PCDH9: variants seen among roughly 807,000 people sequenced by gnomAD.
PCDH9 encodes protocadherin 9, also known as protocadherin-9.
PCDH9 carries 24 observed loss-of-function variants against 70.6 expected under a neutral mutation model. That is an observed-to-expected ratio of 0.34 (90% confidence interval 0.25 to 0.48). The LOEUF is 0.48. Among genes scored for constraint, PCDH9 ranks in the 20% least tolerant of loss-of-function variants. The pLI, the probability that PCDH9 is intolerant of heterozygous loss-of-function variation, is 0.99. For missense variants in PCDH9, 1,281 were observed against 1,503.6 expected (o/e 0.85, Z 2.45); for synonymous variants, 562 against 558.5 (o/e 1.01, Z -0.09).
chr13:66,554,888 G>A (rs953485791), intron 4 of PCDH9, among the ~76,000 whole-genome samples: 3 of 152,056 alleles, frequency 2.0e-5, no homozygotes, highest in Non-Finnish European at 4.4e-5. Context: ...TGCTTCTTGC[G>A]GCCGGGCATG....
Position 67,160,434 on chromosome 13 carries a change from C to T in PCDH9, c.3036+64971G>A, listed in dbSNP as rs188291349. On this transcript the variant is annotated intron_variant, in intron 2 of 4. Coordinates refer to ENST00000377865, the MANE Select transcript of PCDH9 (RefSeq NM_203487.3). ...TGGTGGCGGGCGCCTGTAGTCCCAG[C>T]TATTCGGGAGACTGAGGCAGGAGAG... is the stretch of plus-strand genomic sequence containing the variant. Among the ~76,000 whole-genome samples, 175 of 152,118 alleles carry T rather than the reference C, an allele frequency of 1.2e-3. 1 individual carries two copies. The highest frequency in any genetic ancestry group is 4.0e-3 in the African/African-American group (168 of 41,514).
At chr13:66,635,264 C>A (rs2077622771) in intron 3 of PCDH9, among the ~76,000 whole-genome samples, 1 of 152,118 alleles carries the variant, frequency 6.6e-6, no homozygotes, top group Admixed American at 6.6e-5. Context: ...TTGCCTCTGT[C>A]CAGTTAATTG....
Position 66,903,561 on chromosome 13 carries a change from C to G in PCDH9, c.3081G>C (p.Gln1027His), listed in dbSNP as rs1475845515. 6.3e-7 allele frequency: 1 copy of G among 1,584,000 alleles called. No homozygotes were observed. The highest frequency in any genetic ancestry group is 8.7e-7 in the Non-Finnish European group (1 of 1,154,018). The change falls in exon 3 of 5, where the codon CAG becomes CAC. Residue 1027 changes from glutamine to histidine, a missense_variant. Coordinates refer to ENST00000377865, the MANE Select transcript of PCDH9 (RefSeq NM_203487.3). ...GGAAACCCGTGGAGCTGGGACATTT[C>G]TGAGGAGTGACAGGAATATTGTCAC... ...SKSDNIPVTPQKCPSSTGFHI... is the reference protein window; with the variant it reads ...SKSDNIPVTPHKCPSSTGFHI...
At chr13:66,942,486 A>G (rs2083022046) in intron 2 of PCDH9, among the ~76,000 whole-genome samples, 1 of 152,010 alleles carries the variant, frequency 6.6e-6, no homozygotes, top group Admixed American at 6.6e-5. Context: ...CAAATAAGTG[A>G]CATTGCTACA....
intron 3 of PCDH9, among the ~76,000 whole-genome samples, chr13:66,822,209 A>G (rs981688326): frequency 6.6e-5 from 10 of 152,072 alleles, no homozygotes; most frequent in Admixed American, 4.6e-4. Context: ...ATACATTCAT[A>G]TAAGATTTAA....
At position 66,556,264 on chromosome 13, in the gene PCDH9, C is replaced by T. The variant is rs953722543; in HGVS notation, c.3340+74946G>A. The stretch of plus-strand genomic sequence containing the variant: ...TATATAAGCTAAATATATGTATATA[C>T]ATTTAGCTTATTTTAAAAATCTGTT... On this transcript the variant is annotated intron_variant, in intron 4 of 4. Transcript: ENST00000377865. Among the ~76,000 whole-genome samples the T allele has an allele frequency of 6.6e-5, 10 of 151,856 alleles. 1 individual carries two copies. Among genetic ancestry groups the T allele is most frequent in the Middle Eastern group, 6.3e-3 (2 of 316 alleles).
At chr13:66,451,717 T>C (rs914655604) in intron 4 of PCDH9, among the ~76,000 whole-genome samples, 3 of 152,174 alleles carry the variant, frequency 2.0e-5, no homozygotes, top group African/African-American at 7.2e-5. Flanking sequence ...AAAAATCAAG[T>C]GTTTTGCTAT....
chr13:66,729,051 T>TA (rs1277049242), intron 3 of PCDH9, among the ~76,000 whole-genome samples: 12 of 152,228 alleles, frequency 7.9e-5, no homozygotes, highest in Admixed American at 6.5e-4. Context: ...TCTGAGCTCT[T>TA]AGTCTATAAA....
At chr13:66,528,195 G>A (rs946383103) in intron 4 of PCDH9, among the ~76,000 whole-genome samples, 2 of 152,274 alleles carry the variant, frequency 1.3e-5, no homozygotes, top group East Asian at 1.9e-4. Flanking sequence ...AAGTGAAAGT[G>A]TGGTCCCTTT....
chr13:66,905,347 C>T (rs185438898), intron 2 of PCDH9, among the ~76,000 whole-genome samples: 1 of 152,238 alleles, frequency 6.6e-6, no homozygotes, highest in East Asian at 1.9e-4. Flanking sequence ...TCCTAAGAAA[C>T]ATTTCCTAAA....
chr13:67,181,711 G>A (rs1190273750), intron 2 of PCDH9, among the ~76,000 whole-genome samples: 1 of 151,916 alleles, frequency 6.6e-6, no homozygotes, highest in Non-Finnish European at 1.5e-5. Flanking sequence ...TAATAGAGCT[G>A]TTTATTTAAA....
At chr13:66,541,472 A>T (rs1198653711) in intron 4 of PCDH9, among the ~76,000 whole-genome samples, 1 of 152,200 alleles carries the variant, frequency 6.6e-6, no homozygotes, top group Non-Finnish European at 1.5e-5. Context: ...CTCTGAAGGC[A>T]CTAGGAAAAA....
intron 4 of PCDH9, among the ~76,000 whole-genome samples, chr13:66,364,545 A>T (rs939397168): frequency 1.3e-5 from 2 of 152,284 alleles, no homozygotes; most frequent in East Asian, 3.9e-4. Flanking sequence ...TTTTTGTGGA[A>T]GTAATACACT....
chr13:66,554,936 G>A (rs1593667432), intron 4 of PCDH9, among the ~76,000 whole-genome samples: 1 of 152,052 alleles, frequency 6.6e-6, no homozygotes, highest in East Asian at 1.9e-4. Flanking sequence ...TTGGGAGGCC[G>A]AGGCAGGCAG....
chr13:66,708,403 G>GTTTTTTTTTTTTTTTT (rs36087870), intron 3 of PCDH9, among the ~76,000 whole-genome samples: 1 of 136,988 alleles, frequency 7.3e-6, no homozygotes, highest in Non-Finnish European at 1.5e-5. Flanking sequence ...TTGAGATTTA[G>GTTTTTTTTTTTTTTTT]TTTTTTTTTT....
intron 3 of PCDH9, among the ~76,000 whole-genome samples, chr13:66,722,771 C>T (rs2078958024): frequency 6.6e-6 from 1 of 151,964 alleles, no homozygotes; most frequent in Non-Finnish European, 1.5e-5. Context: ...AGTTTGAGAC[C>T]ACCCTGGCCA....
At position 66,657,106 on chromosome 13, in the gene PCDH9, C is replaced by T. The variant is rs185382488; in HGVS notation, c.3139-25695G>A. 1.1e-3 allele frequency among the ~76,000 whole-genome samples: 174 copies of T among 152,234 alleles called. 1 individual carries two copies. Among genetic ancestry groups the T allele is most frequent in the South Asian group, 5.0e-3 (24 of 4,826 alleles). ...GGCAATCTATGTTAGAATTCATTAGCGTGGCTCGGGGTCCAGAATAAGTTA... is the reference window on the plus strand; with the variant it reads ...GGCAATCTATGTTAGAATTCATTAGTGTGGCTCGGGGTCCAGAATAAGTTA... On this transcript the variant is annotated intron_variant, in intron 3 of 4. Coordinates refer to ENST00000377865, the MANE Select transcript of PCDH9 (RefSeq NM_203487.3).
At chr13:66,747,478 C>T (rs2079388471) in intron 3 of PCDH9, among the ~76,000 whole-genome samples, 1 of 152,172 alleles carries the variant, frequency 6.6e-6, no homozygotes, top group African/African-American at 2.4e-5. Flanking sequence ...TTTGTTCAAA[C>T]TCCAGACCAG....
At chr13:66,981,000 C>T (rs757997568) in intron 2 of PCDH9, among the ~76,000 whole-genome samples, 1 of 151,766 alleles carries the variant, frequency 6.6e-6, no homozygotes, top group East Asian at 1.9e-4. Flanking sequence ...TTAAAGTAAG[C>T]GCCATGTGTT....
Sources: gnomAD v4.1 joint callset for allele counts (sites outside exome capture counted in the v4.1 genomes callset) on GRCh38, gnomAD v4.1.1 for gene constraint, MANE v1.5 for transcripts, NCBI Gene and HGNC (gene_info 2026-07-23, HGNC 2026-07-21) for gene names.